The following TMEM117 variants were observed in gnomAD, a reference collection of about 807,000 sequenced individuals.
The protein encoded by TMEM117 is transmembrane protein 117.
TMEM117 carries 27 observed loss-of-function variants against 52.4 expected under a neutral mutation model. The ratio of observed to expected loss-of-function variants is 0.51; its 90% CI spans 0.38 to 0.71. The LOEUF is 0.71. TMEM117 is among the 30% of genes least tolerant of loss of function. The probability of loss-of-function intolerance (pLI) is 0.00; values close to 1 mark genes in which losing one functional copy is unlikely to be tolerated. For synonymous variants in TMEM117, 215 were observed against 206.3 expected, an observed-to-expected ratio of 1.04 and a Z score of -0.36; for missense variants, 556 against 630.5, an observed-to-expected ratio of 0.88 and a Z score of 1.26.
upstream of TMEM117, among the ~76,000 whole-genome samples, chr12:43,832,264 T>C (rs913441484): frequency 6.6e-6 from 1 of 152,244 alleles, no homozygotes; most frequent in Non-Finnish European, 1.5e-5. Context: ...AAAGTTTTCA[T>C]AGAACGGTAA....
intron 5 of TMEM117, among the ~76,000 whole-genome samples, chr12:44,230,143 A>G (rs868525884): frequency 2.6e-5 from 4 of 152,110 alleles, no homozygotes; most frequent in Admixed American, 1.3e-4. Flanking sequence ...ACTTTGTGAA[A>G]TAATACTGTT....
intron 2 of TMEM117, among the ~76,000 whole-genome samples, chr12:43,895,626 G>C (rs1309015053): frequency 6.6e-6 from 1 of 152,184 alleles, no homozygotes; most frequent in African/African-American, 2.4e-5. Flanking sequence ...CAAAACAACT[G>C]TCTGAAGTGG....
At position 44,255,781 on chromosome 12, in the gene TMEM117, G is replaced by A. The variant is rs959471308; in HGVS notation, c.609-43799G>A. ...GCAAAAAATCAACCACTGCATTACT[G>A]GAGGGATAATTTCATTTTCCGCTAT... is the stretch of plus-strand genomic sequence containing the variant. On this transcript the variant is annotated intron_variant, in intron 5 of 7. Transcript: ENST00000266534. 5.9e-5 allele frequency among the ~76,000 whole-genome samples: 9 copies of A among 151,994 alleles called. No homozygotes were observed. The East Asian group carries it at 1.7e-3, about 29-fold the overall frequency.
At chr12:44,348,721 AG>A (rs1214360110) in intron 6 of TMEM117, among the ~76,000 whole-genome samples, 1 of 152,048 alleles carries the variant, frequency 6.6e-6, no homozygotes, top group East Asian at 1.9e-4. Flanking sequence ...GACTAAGAAA[AG>A]GGGATATTGG....
At chr12:44,254,870 C>G (rs1007375329) in intron 5 of TMEM117, among the ~76,000 whole-genome samples, 1 of 151,778 alleles carries the variant, frequency 6.6e-6, no homozygotes. Flanking sequence ...CATGTATTCT[C>G]ATTGTTCAAT....
At chr12:44,070,024 G>A (rs925639727) in intron 3 of TMEM117, among the ~76,000 whole-genome samples, 8 of 152,088 alleles carry the variant, frequency 5.3e-5, no homozygotes, top group Non-Finnish European at 8.8e-5. Flanking sequence ...TGAGTAGCTG[G>A]GACTACAGGC....
chr12:44,164,445 G>A (rs1948937894), intron 4 of TMEM117, among the ~76,000 whole-genome samples: 1 of 151,980 alleles, frequency 6.6e-6, no homozygotes, highest in South Asian at 2.1e-4. Flanking sequence ...ACTTATAAGT[G>A]GTAACATATG....
intron 3 of TMEM117, among the ~76,000 whole-genome samples, chr12:44,095,380 G>T (rs558907783): frequency 2.2e-4 from 33 of 152,054 alleles, no homozygotes; most frequent in African/African-American, 7.2e-4. Context: ...GAGTAGGATT[G>T]GGAAGCCATT....
In TMEM117 at chr12:44,388,882, A is replaced by G. The variant is rs968632739; in HGVS notation, c.*210A>G. On this transcript the variant is annotated 3_prime_UTR_variant, in exon 8 of 8. Transcript: ENST00000266534. ...CCTACTGTATACTCAACAGTCCTCTAGAGATTGCTTTTCACAATTGCACAA... is the reference window on the plus strand; with the variant it reads ...CCTACTGTATACTCAACAGTCCTCTGGAGATTGCTTTTCACAATTGCACAA... 3.5e-6 allele frequency: 2 copies of G among 573,788 alleles called. No homozygotes were observed. Among genetic ancestry groups the G allele is most frequent in the Non-Finnish European group, 6.0e-6 (2 of 332,182 alleles). 35.5% of individuals were successfully genotyped at this position (573,788 alleles called of 1,614,324 possible). A position where few individuals can be genotyped will look rare whatever the true frequency, so the allele number is the denominator to read the frequency against.
At chr12:44,352,507 C>T (rs181676163) in intron 6 of TMEM117, among the ~76,000 whole-genome samples, 292 of 152,146 alleles carry the variant, frequency 1.9e-3, no homozygotes, top group African/African-American at 6.8e-3. Flanking sequence ...CATGTGTTCT[C>T]ATTGTTCAAT....
chr12:44,390,209 C>G (rs1952153945), downstream of TMEM117, among the ~76,000 whole-genome samples: 1 of 151,652 alleles, frequency 6.6e-6, no homozygotes, highest in Non-Finnish European at 1.5e-5. Flanking sequence ...GACACACACA[C>G]ACACACACAC....
intron 6 of TMEM117, among the ~76,000 whole-genome samples, chr12:44,330,866 A>T (rs1433800504): frequency 6.6e-6 from 1 of 152,102 alleles, no homozygotes; most frequent in African/African-American, 2.4e-5. Flanking sequence ...CTCCTTCTGG[A>T]TAGAAGTAGC....
intron 2 of TMEM117, among the ~76,000 whole-genome samples, chr12:43,864,433 G>A (rs906685843): frequency 7.2e-5 from 11 of 152,190 alleles, no homozygotes; most frequent in Non-Finnish European, 1.2e-4. Flanking sequence ...TCAGCACTCT[G>A]TATCTAGCTC....
At chr12:43,938,573 T>C (rs1319126808) in intron 2 of TMEM117, among the ~76,000 whole-genome samples, 1 of 152,044 alleles carries the variant, frequency 6.6e-6, no homozygotes, top group African/African-American at 2.4e-5. Context: ...AGCTGGGAAA[T>C]AGAGATTAAT....
chr12:43,805,766 C>T, the TMEM117 span: 1 of 1,343,180 alleles, frequency 7.4e-7, no homozygotes, highest in African/African-American at 1.5e-5. Context: ...AAGATTCTGG[C>T]ATGGTTCTTT....
chr12:44,388,161 A>T lies in TMEM117; in HGVS notation c.1034A>T (p.Asp345Val). The T allele has an allele frequency of 1.9e-6, 3 of 1,613,262 alleles. No individual in the cohort carries two copies. ...GGGCAGAAGATATATACAGTGAAAGACTCAGAAAGTTTAAAAGATTTGAAC... is the reference window on the plus strand; with the variant it reads ...GGGCAGAAGATATATACAGTGAAAGTCTCAGAAAGTTTAAAAGATTTGAAC... ...GPGQKIYTVK[D>V]SESLKDLNRT... Residue 345 changes from aspartate to valine, a missense_variant, in exon 8 of 8, where the codon GAC becomes GTC. By Grantham distance (152) the Asp-to-Val change is radical. This residue lies in a region of TMEM117 where 206 missense variants were observed against 211.1 expected (regional missense o/e 0.98). Coordinates refer to ENST00000266534, the MANE Select transcript of TMEM117 (RefSeq NM_032256.3).
intron 3 of TMEM117, among the ~76,000 whole-genome samples, chr12:44,102,814 G>A (rs1947885490): frequency 1.3e-5 from 2 of 151,952 alleles, no homozygotes; most frequent in South Asian, 2.1e-4. Flanking sequence ...TTGTGGGAGG[G>A]ACCCAGTGGG....
intron 6 of TMEM117, among the ~76,000 whole-genome samples, chr12:44,311,909 G>A (rs146650165): frequency 0.032 from 3,668 of 113,618 alleles, 417 homozygotes; most frequent in African/African-American, 0.17. Flanking sequence ...ATATATATAT[G>A]TGTGTATATA....
At chr12:43,860,811 CAT>C (rs748527773) in intron 2 of TMEM117, among the ~76,000 whole-genome samples, 6 of 152,188 alleles carry the variant, frequency 3.9e-5, no homozygotes, top group South Asian at 2.1e-4. Flanking sequence ...CACCAATAAA[CAT>C]ATAAATCCGT....
Sources: allele counts gnomAD v4.1 joint callset (sites outside exome capture counted in the v4.1 genomes callset), GRCh38; gene constraint gnomAD v4.1.1; regional missense constraint gnomAD v4.1.1; transcripts MANE v1.5; gene names NCBI Gene and HGNC (gene_info 2026-07-23, HGNC 2026-07-21).